Variants in RPH3A observed in about 807,000 individuals in gnomAD.
RPH3A encodes rabphilin-3A.
Under a neutral mutation model 102.2 loss-of-function variants are expected in RPH3A, and 48 were observed. The observed-to-expected ratio is 0.47, with a 90% CI of 0.37 to 0.60. The LOEUF is 0.60. Ranked by LOEUF, RPH3A falls within the 20% of genes least tolerant of loss-of-function variation. The pLI is 0.00. For synonymous variants in RPH3A, 310 were observed against 324.3 expected (o/e 0.96, Z 0.47); for missense variants, 781 against 910.1 (o/e 0.86, Z 1.83).
At chr12:112,700,155 C>T (rs544863238) in intron 1 of RPH3A, among the ~76,000 whole-genome samples, 124 of 152,020 alleles carry the variant, frequency 8.2e-4, no homozygotes, top group Non-Finnish European at 3.7e-4. Flanking sequence ...CTGCAACCTC[C>T]GCCTCTCGGG....
At chr12:112,738,202 T>A (rs996456953) in intron 1 of RPH3A, among the ~76,000 whole-genome samples, 1 of 152,058 alleles carries the variant, frequency 6.6e-6, no homozygotes, top group African/African-American at 2.4e-5. Flanking sequence ...TAATTAATTT[T>A]TTTTTTTAGA....
At chr12:112,640,629 T>G (rs2039882297) in intron 1 of RPH3A, among the ~76,000 whole-genome samples, 1 of 152,184 alleles carries the variant, frequency 6.6e-6, no homozygotes, top group Admixed American at 6.5e-5. Context: ...GTTCACAAAA[T>G]TTGATTGAAT....
At chr12:112,856,196 A>C (rs1460287213) in intron 5 of RPH3A, among the ~76,000 whole-genome samples, 1 of 152,114 alleles carries the variant, frequency 6.6e-6, no homozygotes. Flanking sequence ...CATGAAGCCT[A>C]CTTTCTGGGA....
At position 112,649,899 on chromosome 12, in the gene RPH3A, C is replaced by T. The variant is rs557564118; in HGVS notation, c.-140+74580C>T. 2.0e-5 allele frequency among the ~76,000 whole-genome samples: 3 copies of T among 152,306 alleles called. No homozygotes were observed. The South Asian group carries it at 6.2e-4, about 32-fold the overall frequency. On this transcript the variant is annotated intron_variant, in intron 1 of 21. Transcript: ENST00000543106. ...TTGCTACGTGTGCACACATCCCTAG[C>T]GTCTCTTCCTCTTCTTATAAGGGTT...
intron 4 of RPH3A, among the ~76,000 whole-genome samples, chr12:112,841,664 A>G (rs2042146852): frequency 6.6e-6 from 1 of 151,922 alleles, no homozygotes; most frequent in Non-Finnish European, 1.5e-5. Context: ...GTTTGAATGC[A>G]GATTGATCTG....
intron 1 of RPH3A, among the ~76,000 whole-genome samples, chr12:112,774,483 G>A (rs893047455): frequency 7.2e-5 from 11 of 152,138 alleles, no homozygotes; most frequent in Admixed American, 7.2e-4. Flanking sequence ...TCCTTTCCCT[G>A]GTTTGTGACT....
intron 4 of RPH3A, chr12:112,837,903 C>T (rs1186279182): frequency 2.3e-6 from 1 of 442,102 alleles, no homozygotes; most frequent in Non-Finnish European, 4.5e-6. Flanking sequence ...CCTTTCCTCC[C>T]TCCCTTCCTC....
rs551526694 is a variant in RPH3A, at chr12:112,658,530, G to T, written c.-140+83211G>T. Among the ~76,000 whole-genome samples the T allele has an allele frequency of 1.4e-4, 21 of 152,300 alleles. 1 individual carries two copies. The South Asian group carries it at 4.1e-3, about 30-fold the overall frequency. The stretch of plus-strand genomic sequence containing the variant: ...CTGTCTGCTGTGTTGACAGTAGCCT[G>T]CAGGGCATTAAGGACAAAGGCAGGG... On this transcript the variant is annotated intron_variant, in intron 1 of 21. Transcript: ENST00000543106.
chr12:112,819,837 T>C (rs2041746714), intron 2 of RPH3A, among the ~76,000 whole-genome samples: 1 of 152,226 alleles, frequency 6.6e-6, no homozygotes, highest in Non-Finnish European at 1.5e-5. Context: ...GTTTCTCAAA[T>C]GGTGATTGCA....
chr12:112,802,828 T>C (rs1158865940), intron 2 of RPH3A, among the ~76,000 whole-genome samples: 1 of 152,050 alleles, frequency 6.6e-6, no homozygotes. Flanking sequence ...CCCCAGGGCC[T>C]CTGTCCTCTC....
chr12:112,724,151 G>A (rs369660481), intron 1 of RPH3A, among the ~76,000 whole-genome samples: 9 of 149,194 alleles, frequency 6.0e-5, no homozygotes, highest in African/African-American at 1.2e-4. Context: ...CATCCTCGCC[G>A]GCTCAAGTGA....
Position 112,630,003 on chromosome 12 carries a change from C to T in RPH3A, c.-140+54684C>T, listed in dbSNP as rs1008361510. Among the ~76,000 whole-genome samples the T allele has an allele frequency of 2.6e-5, 4 of 152,010 alleles. No homozygotes were observed. In the South Asian group the frequency reaches 6.2e-4, roughly 24 times the overall value. Reference sequence around the variant, plus strand: ...GAAGATATAGAGAAAGATTCAGACTCGGGTCCATTTGATGATCTATTACCA... The same window carrying T: ...GAAGATATAGAGAAAGATTCAGACTTGGGTCCATTTGATGATCTATTACCA... On this transcript the variant is annotated intron_variant, in intron 1 of 21. Coordinates refer to the RPH3A transcript ENST00000543106.
intron 5 of RPH3A, among the ~76,000 whole-genome samples, chr12:112,853,584 T>G (rs2042359950): frequency 6.6e-6 from 1 of 152,160 alleles, no homozygotes; most frequent in Non-Finnish European, 1.5e-5. Context: ...ATCCCAGCAC[T>G]TTGGGAGGCC....
chr12:112,780,167 C>T (rs75656937), intron 1 of RPH3A, among the ~76,000 whole-genome samples: 8,615 of 152,130 alleles, frequency 0.057, 572 homozygotes, highest in African/African-American at 0.16. Flanking sequence ...TCTCATAATG[C>T]CTCTCTTTTG....
At chr12:112,711,262 AGT>A (rs1389037959) in intron 1 of RPH3A, among the ~76,000 whole-genome samples, 1 of 152,020 alleles carries the variant, frequency 6.6e-6, no homozygotes, top group Non-Finnish European at 1.5e-5. Flanking sequence ...AAGCTCCCGG[AGT>A]GTTTCTTGTG....
intron 1 of RPH3A, among the ~76,000 whole-genome samples, chr12:112,663,056 A>G (rs2040059491): frequency 2.7e-5 from 1 of 37,708 alleles, no homozygotes; most frequent in African/African-American, 1.9e-4. Flanking sequence ...TGGCTAAGTG[A>G]TTGGTGTGTG....
chr12:112,682,901 A>G (rs1452537638), intron 1 of RPH3A, among the ~76,000 whole-genome samples: 3 of 152,178 alleles, frequency 2.0e-5, no homozygotes, highest in Non-Finnish European at 4.4e-5. Context: ...CCCACTCCTT[A>G]TCTGGCTAGC....
chr12:112,879,650 C>A (rs993710763), intron 14 of RPH3A, among the ~76,000 whole-genome samples: 3 of 152,230 alleles, frequency 2.0e-5, no homozygotes, highest in Non-Finnish European at 4.4e-5. Flanking sequence ...CTAATATGGG[C>A]TTCCAAGGGG....
intron 14 of RPH3A, among the ~76,000 whole-genome samples, 195 bp from the exon 15 acceptor site, chr12:112,881,577 G>A (rs544973947): frequency 1.3e-5 from 2 of 152,318 alleles, no homozygotes; most frequent in Admixed American, 1.3e-4. Context: ...AAGTGACATG[G>A]CCAGGTTTAA....
Sources: allele counts gnomAD v4.1 joint callset (sites outside exome capture counted in the v4.1 genomes callset), GRCh38; gene constraint gnomAD v4.1.1; transcripts MANE v1.5; gene names NCBI Gene and HGNC (gene_info 2026-07-23, HGNC 2026-07-21).